Variants in ANXA2 observed in about 807,000 individuals in gnomAD.
ANXA2 encodes the protein annexin II.
Under a neutral mutation model 47.3 loss-of-function variants are expected in ANXA2, and 28 were observed. The ratio of observed to expected loss-of-function variants is 0.59; its 90% CI spans 0.44 to 0.81. The LOEUF (loss-of-function observed/expected upper bound fraction) is 0.81. ANXA2 is among the 40% of genes least tolerant of loss of function. The pLI, the probability that ANXA2 is intolerant of heterozygous loss-of-function variation, is 0.00. For synonymous variants in ANXA2, 172 were observed against 155.5 expected (o/e 1.11, Z -0.79); for missense variants, 384 against 414.3 (o/e 0.93, Z 0.64).
chr15:60,359,719 T>C (rs2062483649), intron 5 of ANXA2, among the ~76,000 whole-genome samples: 2 of 152,154 alleles, frequency 1.3e-5, no homozygotes, highest in African/African-American at 4.8e-5. Flanking sequence ...TGACATTAGC[T>C]CTGGTGACAG....
intron 10 of ANXA2, 200 bp from the exon 11 acceptor site, chr15:60,351,451 CTG>C (rs1223110452): frequency 2.5e-5 from 16 of 636,062 alleles, no homozygotes; most frequent in Non-Finnish European, 3.8e-5. Flanking sequence ...CCAGGGGTCT[CTG>C]AGGCCTGCAG....
At chr15:60,357,455 A>C (rs976817139) in intron 5 of ANXA2, among the ~76,000 whole-genome samples, 6 of 152,128 alleles carry the variant, frequency 3.9e-5, no homozygotes, top group African/African-American at 1.4e-4. Flanking sequence ...AGATGGTGGA[A>C]CTGGCATGTT....
At chr15:60,361,840 G>T (rs1296440991) in intron 4 of ANXA2, among the ~76,000 whole-genome samples, 1 of 151,668 alleles carries the variant, frequency 6.6e-6, no homozygotes, top group East Asian at 1.9e-4. Flanking sequence ...GCTTCCTCGA[G>T]CTAAACTTCC....
At chr15:60,349,010 G>C (rs186854774) in intron 12 of ANXA2, 65 bp downstream of exon 12, 406 of 1,595,668 alleles carry the variant, frequency 2.5e-4, no homozygotes, top group Middle Eastern at 6.8e-4. Context: ...ATTCTGCCAG[G>C]CCACCTGCCA....
intron 6 of ANXA2, among the ~76,000 whole-genome samples, chr15:60,356,483 G>A (rs916226095): frequency 2.0e-5 from 3 of 152,096 alleles, no homozygotes; most frequent in African/African-American, 7.2e-5. Flanking sequence ...TTGAAATACA[G>A]TAGCTAGAGA....
At position 60,357,177 on chromosome 15, in the gene ANXA2, C is replaced by CT; in HGVS notation, c.416dup (p.Leu140AlafsTer5). 6.2e-7 allele frequency: 1 copy of CT among 1,614,196 alleles called. No homozygotes were observed. Among genetic ancestry groups the CT allele is most frequent in the Non-Finnish European group, 8.5e-7 (1 of 1,180,030 alleles). ...TGTAGACTCTGTTAATTTCCTGCAG[C>CT]TCCTGGTTGGTTCTGGAGCAGATGA... On this transcript the variant is annotated frameshift_variant, in exon 6 of 13. Coordinates refer to ENST00000451270, the MANE Select transcript of ANXA2 (RefSeq NM_004039.3). LOFTEE classifies it high-confidence loss of function.
At chr15:60,363,209 T>G (rs2062544376) in intron 4 of ANXA2, among the ~76,000 whole-genome samples, 1 of 152,142 alleles carries the variant, frequency 6.6e-6, no homozygotes, top group Admixed American at 6.6e-5. Context: ...CAGACCCCTT[T>G]GGGAAGCTGC....
intron 3 of ANXA2, among the ~76,000 whole-genome samples, chr15:60,379,936 T>C (rs191877153): frequency 2.0e-4 from 31 of 152,360 alleles, no homozygotes; most frequent in African/African-American, 6.3e-4. Context: ...TACATTCCAG[T>C]GCACTAAGTG....
rs748724713 is a variant in ANXA2, at chr15:60,360,974, C to T, written c.324G>A (p.Gln108=). Residue 108 remains glutamine (Q), a synonymous_variant, in exon 5 of 13, where the codon CAG becomes CAA. Coordinates refer to ENST00000451270, the MANE Select transcript of ANXA2 (RefSeq NM_004039.3). ...VILGLLKTPA[Q]YDASELKASM... is the part of the protein sequence containing the mutation. ...AAGCTTTTAGCTCAGAAGCGTCATACTGAGCAGGTGTCTTCAATAGGCCCA... is the reference window on the plus strand; with the variant it reads ...AAGCTTTTAGCTCAGAAGCGTCATATTGAGCAGGTGTCTTCAATAGGCCCA... 3.1e-6 allele frequency: 5 copies of T among 1,613,096 alleles called. No individual in the cohort carries two copies. Among genetic ancestry groups the T allele is most frequent in the East Asian group, 2.2e-5 (1 of 44,896 alleles).
At chr15:60,382,078 AAGGAAGAGC>A (rs1471446004) in intron 3 of ANXA2, among the ~76,000 whole-genome samples, 4 of 148,678 alleles carry the variant, frequency 2.7e-5, no homozygotes, top group Admixed American at 2.0e-4. Flanking sequence ...GGGAGGAAGG[AAGGAAGAGC>A]AGGAAGAAGG....
At chr15:60,391,228 C>G (rs1004664480) in intron 1 of ANXA2, 1 of 152,238 alleles carries the variant, frequency 6.6e-6, no homozygotes, top group Non-Finnish European at 1.5e-5. Flanking sequence ...TGGGCCAATG[C>G]CCTTTCAACC....
In ANXA2 at chr15:60,351,775, T is replaced by C; in HGVS notation, c.727A>G (p.Ser243Gly). The change falls in exon 10 of 13, where the codon AGC (serine) becomes GGC (glycine). Residue 243 changes from serine to glycine, a missense_variant. By Grantham distance (56) the Ser-to-Gly change is moderately conservative (BLOSUM62 0). Coordinates refer to ENST00000451270, the MANE Select transcript of ANXA2 (RefSeq NM_004039.3). ...KSYSPYDMLE[S>G]IRKEVKGDLE... is the part of the protein sequence containing the mutation. ...TCTCCTTTAACCTCTTTCCTGATGC[T>C]TTCCAACATGTCATAAGGGCTGTAA... The C allele has an allele frequency of 1.2e-6, 2 of 1,614,032 alleles. No individual in the cohort carries two copies. The highest frequency in any genetic ancestry group is 1.7e-6 in the Non-Finnish European group (2 of 1,179,864).
chr15:60,356,670 T>G (rs2062435291), intron 6 of ANXA2, among the ~76,000 whole-genome samples: 1 of 152,106 alleles, frequency 6.6e-6, no homozygotes, highest in Non-Finnish European at 1.5e-5. Flanking sequence ...AAAAAAGAAA[T>G]GCAGTAGCGA....
At chr15:60,360,590 AC>A (rs1466584339) in intron 5 of ANXA2, among the ~76,000 whole-genome samples, 2 of 152,072 alleles carry the variant, frequency 1.3e-5, no homozygotes, top group African/African-American at 2.4e-5. Flanking sequence ...GCTTCACTTA[AC>A]AAAAGCTATG....
intron 11 of ANXA2, 54 bp from the exon 12 acceptor site, chr15:60,349,251 A>G (rs1013494099): frequency 6.3e-7 from 1 of 1,599,404 alleles, no homozygotes; most frequent in Non-Finnish European, 8.6e-7. Context: ...TCGTTAAAGA[A>G]AGCGTCTACA....
intron 2 of ANXA2, chr15:60,383,673 C>G (rs1403517486): frequency 6.6e-6 from 1 of 152,318 alleles, no homozygotes; most frequent in African/African-American, 2.4e-5. Context: ...GAGGCAGCAT[C>G]ACTGCCCATC....
intron 2 of ANXA2, chr15:60,382,755 C>T (rs1266258780): frequency 5.0e-6 from 1 of 198,154 alleles, no homozygotes; most frequent in African/African-American, 2.3e-5. Context: ...CTCAGGATGG[C>T]TCTGAAGACC....
intron 1 of ANXA2, 185 bp downstream of exon 1, chr15:60,397,758 A>C (rs2063101263): frequency 9.9e-6 from 9 of 910,340 alleles, no homozygotes; most frequent in Admixed American, 4.8e-5. Flanking sequence ...TGCCCCAAAC[A>C]CCTTGTCCCT....
chr15:60,385,906 C>A, intron 2 of ANXA2, 122 bp downstream of exon 2: 1 of 621,660 alleles, frequency 1.6e-6, no homozygotes, highest in East Asian at 2.9e-5. Flanking sequence ...AGAGGAGAAC[C>A]AAATGATGAC....
Sources: allele counts gnomAD v4.1 joint callset (sites outside exome capture counted in the v4.1 genomes callset), GRCh38; gene constraint gnomAD v4.1.1; transcripts MANE v1.5; gene names NCBI Gene and HGNC (gene_info 2026-07-23, HGNC 2026-07-21).